PRR16: variants seen among roughly 807,000 people sequenced by gnomAD.
PRR16 encodes proline rich 16.
Under a neutral mutation model 18.2 loss-of-function variants are expected in PRR16, and 6 were observed. That is an observed-to-expected ratio of 0.33 (90% CI 0.18 to 0.65). The LOEUF (loss-of-function observed/expected upper bound fraction) is 0.65. PRR16 is among the 30% of genes least tolerant of loss of function. PRR16 has a pLI of 0.74. For missense variants in PRR16, 412 were observed against 376.6 expected (o/e 1.09, Z -0.78); for synonymous variants, 151 against 147.8 (o/e 1.02, Z -0.16).
At chr5:120,633,723 AAC>A (rs1755135199) in intron 1 of PRR16, among the ~76,000 whole-genome samples, 4 of 150,208 alleles carry the variant, frequency 2.7e-5, no homozygotes, top group African/African-American at 9.8e-5. Context: ...AAATTTGTAA[AAC>A]AGTTACTACT....
chr5:120,466,798 C>A (rs1405478272), intron 1 of PRR16, among the ~76,000 whole-genome samples: 2 of 152,078 alleles, frequency 1.3e-5, no homozygotes, highest in Admixed American at 6.5e-5. Context: ...TTTGACTCAA[C>A]ATTTTGGAAG....
chr5:120,752,562 AG>A, the PRR16 span, among the ~76,000 whole-genome samples: 17 of 152,204 alleles, frequency 1.1e-4, 1 homozygote, highest in East Asian at 2.3e-3. Context: ...AGGGAAAATA[AG>A]ATTTTCCTTA....
the PRR16 span, chr5:120,781,520 T>A: frequency 1.3e-5 from 2 of 152,184 alleles, no homozygotes; most frequent in African/African-American, 4.8e-5. Flanking sequence ...AGTGCTCCTT[T>A]CCTTGGTGTA....
At chr5:120,588,982 G>C (rs1410992778) in intron 1 of PRR16, among the ~76,000 whole-genome samples, 1 of 151,914 alleles carries the variant, frequency 6.6e-6, no homozygotes, top group African/African-American at 2.4e-5. Context: ...AAAAGTCCTA[G>C]TAAACTTCCT....
rs1237442670 is a variant in PRR16 at position 120,686,157 on chromosome 5, C to A, written c.363C>A (p.Asn121Lys). The A allele has an allele frequency of 1.9e-6, 3 of 1,614,150 alleles. No homozygotes were observed. Among genetic ancestry groups the A allele is most frequent in the Non-Finnish European group, 1.7e-6 (2 of 1,180,002 alleles). Residue 121 changes from asparagine to lysine, a missense_variant, in exon 2 of 2, where the codon AAC (asparagine) becomes AAA (lysine). Transcript: ENST00000407149. ...TCCTCACGGTCCTGAGAAAGCCAAACCCTCCACCACCTCCTCCAAGGTTGA... is the reference window on the plus strand; with the variant it reads ...TCCTCACGGTCCTGAGAAAGCCAAAACCTCCACCACCTCCTCCAAGGTTGA... The part of the protein sequence containing the change: ...SAILTVLRKP[N>K]PPPPPPRLTP...
chr5:120,686,293 C>G lies in PRR16; in HGVS notation c.499C>G (p.Pro167Ala). 1 of 1,614,116 alleles carries G rather than the reference C, an allele frequency of 6.2e-7. No individual in the cohort carries two copies. The highest frequency in any genetic ancestry group is 1.1e-5 in the South Asian group (1 of 91,078). ...CTTACCAGGTGGACCTAACAAAATT[C>G]CAAATGGAGATATCTGCTGCATACC... is the stretch of plus-strand genomic sequence containing the variant. Reference protein sequence around the residue: ...GGLPGGPNKIPNGDICCIPNS... With the variant: ...GGLPGGPNKIANGDICCIPNS... The change falls in exon 2 of 2, where the codon CCA (proline) becomes GCA (alanine). Residue 167 changes from proline to alanine, a missense_variant. By Grantham distance (27) the Pro-to-Ala change is conservative (BLOSUM62 -1). Coordinates refer to ENST00000407149, the MANE Select transcript of PRR16 (RefSeq NM_001300783.2).
At chr5:120,704,840 T>A in the PRR16 span, among the ~76,000 whole-genome samples, 1 of 152,208 alleles carries the variant, frequency 6.6e-6, no homozygotes, top group Non-Finnish European at 1.5e-5. Context: ...TCAGTACTTA[T>A]GAAGCCTATT....
At chr5:120,538,781 A>C (rs1751812729) in intron 1 of PRR16, among the ~76,000 whole-genome samples, 1 of 152,218 alleles carries the variant, frequency 6.6e-6, no homozygotes, top group Non-Finnish European at 1.5e-5. Context: ...TTAAGGTATC[A>C]GTCATCTGAA....
downstream of PRR16, among the ~76,000 whole-genome samples, chr5:120,689,965 C>T (rs780538933): frequency 1.3e-5 from 2 of 152,042 alleles, no homozygotes; most frequent in Non-Finnish European, 2.9e-5. Flanking sequence ...CAAGGGCATA[C>T]AAAAACAGAA....
At chr5:120,537,084 A>G (rs764161291) in intron 1 of PRR16, among the ~76,000 whole-genome samples, 9 of 152,302 alleles carry the variant, frequency 5.9e-5, no homozygotes, top group East Asian at 1.9e-4. Flanking sequence ...AAAAATAACT[A>G]TTGGGTACTA....
At chr5:120,704,857 T>C in the PRR16 span, among the ~76,000 whole-genome samples, 2 of 152,186 alleles carry the variant, frequency 1.3e-5, no homozygotes, top group Non-Finnish European at 2.9e-5. Flanking sequence ...TATTTACGCA[T>C]TTTTTCACCA....
intron 1 of PRR16, among the ~76,000 whole-genome samples, chr5:120,619,234 C>A (rs1754609697): frequency 6.6e-6 from 1 of 152,080 alleles, no homozygotes; most frequent in Admixed American, 6.6e-5. Context: ...CAGACAGACA[C>A]ATCTCTCAAA....
At chr5:120,747,253 C>T in the PRR16 span, among the ~76,000 whole-genome samples, 2 of 152,114 alleles carry the variant, frequency 1.3e-5, no homozygotes, top group East Asian at 1.9e-4. Context: ...AGGAGATTTA[C>T]GTTTAACAGT....
the PRR16 span, among the ~76,000 whole-genome samples, chr5:120,695,743 C>T: frequency 1.3e-5 from 2 of 152,154 alleles, no homozygotes; most frequent in Non-Finnish European, 2.9e-5. Flanking sequence ...GACCCCAATA[C>T]TGAGAAGGCT....
At chr5:120,476,631 T>A in intron 1 of PRR16, among the ~76,000 whole-genome samples, 1 of 152,082 alleles carries the variant, frequency 6.6e-6, no homozygotes, top group East Asian at 1.9e-4. Context: ...GCCTGTTATT[T>A]CCCATTTACT....
At chr5:120,483,130 C>T (rs1263830514) in intron 1 of PRR16, among the ~76,000 whole-genome samples, 1 of 152,144 alleles carries the variant, frequency 6.6e-6, no homozygotes, top group Non-Finnish European at 1.5e-5. Context: ...AGGAGCTCTA[C>T]TCCAAAGAGT....
chr5:120,608,935 TCC>T (rs1754243948), intron 1 of PRR16, among the ~76,000 whole-genome samples: 1 of 152,194 alleles, frequency 6.6e-6, no homozygotes, highest in African/African-American at 2.4e-5. Flanking sequence ...CAGAAAGGTG[TCC>T]CAAAGAGGGT....
the PRR16 span, chr5:120,781,396 T>C: frequency 6.6e-6 from 1 of 152,170 alleles, no homozygotes; most frequent in Non-Finnish European, 1.5e-5. Context: ...AAAATGGGAA[T>C]GCTTTTGGAG....
chr5:120,648,938 T>G (rs965064962), intron 1 of PRR16, among the ~76,000 whole-genome samples: 1 of 152,190 alleles, frequency 6.6e-6, no homozygotes. Context: ...ATAAATGCCC[T>G]CAAGACCATG....
Sources: gnomAD v4.1 joint callset for allele counts (sites outside exome capture counted in the v4.1 genomes callset) on GRCh38, gnomAD v4.1.1 for gene constraint, MANE v1.5 for transcripts, NCBI Gene and HGNC (gene_info 2026-07-23, HGNC 2026-07-21) for gene names.